The following DPP10 variants were observed in gnomAD, a reference collection of about 807,000 sequenced individuals.
DPP10 encodes inactive dipeptidyl peptidase 10.
DPP10 carries 33 observed loss-of-function variants against 120.9 expected under a neutral mutation model. The observed-to-expected ratio is 0.27, with a 90% CI of 0.21 to 0.37. The LOEUF is 0.37. DPP10 is among the 10% of genes least tolerant of loss of function. The pLI is 1.00. For synonymous variants in DPP10, 337 were observed against 326.1 expected (o/e 1.03, Z -0.36); for missense variants, 816 against 942.8 (o/e 0.87, Z 1.76).
At chr2:115,602,418 C>A (rs1156546833) in intron 5 of DPP10, among the ~76,000 whole-genome samples, 1 of 152,174 alleles carries the variant, frequency 6.6e-6, no homozygotes, top group African/African-American at 2.4e-5. Context: ...CACATTAGTC[C>A]ATTTCAACGC....
At chr2:114,743,434 G>A (rs369907092) in intron 1 of DPP10, among the ~76,000 whole-genome samples, 1 of 145,424 alleles carries the variant, frequency 6.9e-6, no homozygotes, top group Non-Finnish European at 1.5e-5. Context: ...AAAAAAAAAA[G>A]TAGCTCGTAA....
intron 1 of DPP10, among the ~76,000 whole-genome samples, chr2:114,505,830 T>C (rs527864181): frequency 6.6e-6 from 1 of 152,322 alleles, no homozygotes; most frequent in South Asian, 2.1e-4. Flanking sequence ...ACTTATATGG[T>C]AGCTGTTTTC....
intron 3 of DPP10, among the ~76,000 whole-genome samples, chr2:115,362,446 A>G (rs1325658055): frequency 6.6e-6 from 1 of 152,204 alleles, no homozygotes; most frequent in Non-Finnish European, 1.5e-5. Context: ...AATTGAATCT[A>G]TACTTTTTTT....
rs184118130 is a variant in DPP10, at chr2:115,563,300, G to A, written c.441+37328G>A. Among the ~76,000 whole-genome samples, 6 of 152,166 alleles carry A rather than the reference G, an allele frequency of 3.9e-5. No individual in the cohort carries two copies. The East Asian group carries it at 5.8e-4, about 15-fold the overall frequency. Reference sequence around the variant, plus strand: ...ATGTTTTATTTTCCTGTTAGATCTCGTAAATATCAGACTTCCGAGGACATA... The same window carrying A: ...ATGTTTTATTTTCCTGTTAGATCTCATAAATATCAGACTTCCGAGGACATA... On this transcript the variant is annotated intron_variant, in intron 5 of 25. Transcript: ENST00000410059.
chr2:114,668,095 A>G (rs1199795908), intron 1 of DPP10, among the ~76,000 whole-genome samples: 3 of 152,142 alleles, frequency 2.0e-5, no homozygotes, highest in Non-Finnish European at 2.9e-5. Flanking sequence ...GAGAAACAGA[A>G]TTAACATATG....
chr2:115,634,100 T>C (rs192291901), intron 5 of DPP10, among the ~76,000 whole-genome samples: 2 of 152,272 alleles, frequency 1.3e-5, no homozygotes, highest in Admixed American at 1.3e-4. Flanking sequence ...TGTATTTGCA[T>C]TGTGAAGTTA....
At chr2:115,595,274 T>G (rs2082918075) in intron 5 of DPP10, among the ~76,000 whole-genome samples, 1 of 151,912 alleles carries the variant, frequency 6.6e-6, no homozygotes, top group African/African-American at 2.4e-5. Context: ...CTCAACAGGT[T>G]AAAAAAAATC....
intron 1 of DPP10, among the ~76,000 whole-genome samples, chr2:114,458,859 A>T (rs1470946766): frequency 1.3e-5 from 2 of 152,222 alleles, no homozygotes; most frequent in Non-Finnish European, 2.9e-5. Context: ...GTTGAAGGTC[A>T]TCTTGTCCAG....
intron 8 of DPP10, among the ~76,000 whole-genome samples, chr2:115,737,881 T>C (rs1216667516): frequency 6.6e-6 from 1 of 152,174 alleles, no homozygotes; most frequent in Non-Finnish European, 1.5e-5. Context: ...TGCACACTTT[T>C]AAATTTTAAA....
In DPP10 at chr2:114,748,338, C is replaced by CTTT. The variant is rs1255227047; in HGVS notation, c.60+305510_60+305512dup. ...GTTCACGTAGGACAAAGGGAATTTT[C>CTTT]TTTTTTTTTTTTATTTTTTTTTATT... On this transcript the variant is annotated intron_variant, in intron 1 of 25. Transcript: ENST00000410059. 5.0e-4 allele frequency among the ~76,000 whole-genome samples: 35 copies of CTTT among 70,296 alleles called. 4 individuals are homozygous for CTTT. The highest frequency in any genetic ancestry group is 6.1e-4 in the Non-Finnish European group (22 of 35,998). The allele number at this position is 70,296 out of a possible 152,430, so 46.1% of individuals were successfully genotyped here. A position where few individuals can be genotyped will look rare whatever the true frequency, so the allele number is the denominator to read the frequency against.
At chr2:115,525,831 A>T (rs1192478842) in intron 4 of DPP10, 67 bp from the exon 5 acceptor site, 2 of 1,190,214 alleles carry the variant, frequency 1.7e-6, no homozygotes, top group African/African-American at 3.1e-5. Flanking sequence ...ATTTTTTTTT[A>T]CATTTATACA....
At chr2:115,638,552 T>C (rs962865784) in intron 5 of DPP10, among the ~76,000 whole-genome samples, 1 of 152,232 alleles carries the variant, frequency 6.6e-6, no homozygotes, top group African/African-American at 2.4e-5. Flanking sequence ...CACTAAAATA[T>C]CTATATTGAT....
chr2:115,173,225 A>G (rs1259125924), intron 1 of DPP10, among the ~76,000 whole-genome samples: 1 of 152,212 alleles, frequency 6.6e-6, no homozygotes, highest in Non-Finnish European at 1.5e-5. Flanking sequence ...AAAAACTAAT[A>G]TGGAATCACA....
intron 5 of DPP10, among the ~76,000 whole-genome samples, chr2:115,553,169 AT>A (rs1277625414): frequency 6.6e-6 from 1 of 152,028 alleles, no homozygotes. Flanking sequence ...AGATATTATT[AT>A]TTTTTATGCA....
intron 1 of DPP10, among the ~76,000 whole-genome samples, chr2:114,822,549 AT>A (rs1210159471): frequency 6.7e-6 from 1 of 149,958 alleles, no homozygotes; most frequent in African/African-American, 2.5e-5. Flanking sequence ...GCAGGGTTGA[AT>A]TTCTCCCCAG....
chr2:114,642,451 C>G (rs1045877966), intron 1 of DPP10, among the ~76,000 whole-genome samples: 2 of 151,834 alleles, frequency 1.3e-5, no homozygotes, highest in Non-Finnish European at 2.9e-5. Context: ...CAAAATTAAA[C>G]AAAAACTAAG....
chr2:115,011,667 A>C (rs1334277136), intron 1 of DPP10, among the ~76,000 whole-genome samples: 2 of 152,168 alleles, frequency 1.3e-5, no homozygotes, highest in Non-Finnish European at 2.9e-5. Context: ...GATAGGAGAC[A>C]GGACTAGCCT....
chr2:115,124,235 C>T (rs2049963181), intron 1 of DPP10, among the ~76,000 whole-genome samples: 2 of 152,166 alleles, frequency 1.3e-5, no homozygotes, highest in South Asian at 4.1e-4. Context: ...AGCCATCATG[C>T]TCAGCCTGAC....
rs368225103 is a variant in DPP10 at position 114,768,315 on chromosome 2, T to C, written c.60+325477T>C. Among the ~76,000 whole-genome samples the C allele has an allele frequency of 3.9e-5, 6 of 152,060 alleles. No homozygotes were observed. In the East Asian group the frequency reaches 9.7e-4, roughly 24 times the overall value. ...AAGGAGAAAAATGAGATTCCCAGGATGTTTGATAGTTAAATGAGAATGGTG... is the reference window on the plus strand; with the variant it reads ...AAGGAGAAAAATGAGATTCCCAGGACGTTTGATAGTTAAATGAGAATGGTG... On this transcript the variant is annotated intron_variant, in intron 1 of 25. Transcript: ENST00000410059.
Sources: gnomAD v4.1 joint callset for allele counts (sites outside exome capture counted in the v4.1 genomes callset) on GRCh38, gnomAD v4.1.1 for gene constraint, MANE v1.5 for transcripts, NCBI Gene and HGNC (gene_info 2026-07-23, HGNC 2026-07-21) for gene names.